PMEPA1: variants seen among roughly 807,000 people sequenced by gnomAD.
The protein encoded by PMEPA1 is prostate transmembrane protein, androgen induced 1, also known as protein TMEPAI.
Under a neutral mutation model 23.0 loss-of-function variants are expected in PMEPA1, and 11 were observed. That is an observed-to-expected ratio of 0.48 (90% CI 0.30 to 0.79). PMEPA1 has a LOEUF of 0.79. Ranked by LOEUF, PMEPA1 falls within the 30% of genes least tolerant of loss-of-function variation. The probability of loss-of-function intolerance (pLI) is 0.06; values close to 1 mark genes in which losing one functional copy is unlikely to be tolerated. For synonymous variants in PMEPA1, 204 were observed against 166.4 expected (o/e 1.23, Z -1.74); for missense variants, 377 against 390.9 (o/e 0.96, Z 0.30).
rs1001494166 is a variant in PMEPA1 at position 57,704,915 on chromosome 20, G to A, written c.109+4559C>T. ...CGCTTCCAGCCTCCACAGACCTCCC[G>A]ACGGCCTCCCTTCTCCTGGGCAGCG... On this transcript the variant is annotated intron_variant, in intron 1 of 3. Transcript: ENST00000341744. This position sits in a 1 kb window ranked among gnomAD's most constrained non-coding sequence, Gnocchi z 4.6. Among the ~76,000 whole-genome samples the A allele has an allele frequency of 2.6e-4, 40 of 152,158 alleles. No individual in the cohort carries two copies. Among genetic ancestry groups the A allele is most frequent in the Admixed American group, 1.2e-3 (19 of 15,276 alleles).
intron 1 of PMEPA1, among the ~76,000 whole-genome samples, chr20:57,677,691 A>G (rs560086693): frequency 3.5e-4 from 54 of 152,346 alleles, no homozygotes; most frequent in African/African-American, 1.2e-3. Context: ...ATCCCAGAGA[A>G]ATGAAGACTT....
chr20:57,657,906 G>A (rs767068210), intron 2 of PMEPA1, among the ~76,000 whole-genome samples: 26 of 152,192 alleles, frequency 1.7e-4, no homozygotes, highest in African/African-American at 4.8e-4. Flanking sequence ...GAGACGTGCC[G>A]CAGCCCCAGG....
upstream of PMEPA1, chr20:57,710,488 C>G: frequency 1.9e-6 from 3 of 1,606,150 alleles, no homozygotes; most frequent in Non-Finnish European, 1.7e-6. Flanking sequence ...GGAGACTGTC[C>G]GCCTTCAGTT....
In PMEPA1 at chr20:57,704,209, G is replaced by T. The variant is rs925702854; in HGVS notation, c.109+5265C>A. ...AAAGATCTGGCCACTCAGGGCCCAT[G>T]TGGCAATGGTGGGCTGAGCAGTGGC... On this transcript the variant is annotated intron_variant, in intron 1 of 3. Coordinates refer to ENST00000341744, the MANE Select transcript of PMEPA1 (RefSeq NM_020182.5). The surrounding 1 kb of genome is among the most constrained non-coding windows in gnomAD (Gnocchi z 4.6). Among the ~76,000 whole-genome samples the T allele has an allele frequency of 1.8e-4, 27 of 152,224 alleles. No homozygotes were observed. Among genetic ancestry groups the T allele is most frequent in the African/African-American group, 6.3e-4 (26 of 41,460 alleles).
intron 1 of PMEPA1, among the ~76,000 whole-genome samples, chr20:57,664,839 G>A (rs1293863865): frequency 1.3e-5 from 2 of 152,364 alleles, no homozygotes; most frequent in Non-Finnish European, 2.9e-5. Flanking sequence ...GGCATCTGCA[G>A]GGCAGGCGGC....
intron 1 of PMEPA1, chr20:57,690,627 G>A (rs2071869097): frequency 8.3e-7 from 1 of 1,199,190 alleles, no homozygotes; most frequent in South Asian, 1.5e-5. Context: ...CTGGAGAGCA[G>A]GCGCGCACCC....
intron 1 of PMEPA1, among the ~76,000 whole-genome samples, chr20:57,705,127 G>A (rs1343280537): frequency 6.6e-6 from 1 of 152,046 alleles, no homozygotes; most frequent in Non-Finnish European, 1.5e-5. Flanking sequence ...GTGTATGACT[G>A]TGTGTGCGCG....
chr20:57,676,004 G>C (rs1409628299), intron 1 of PMEPA1, among the ~76,000 whole-genome samples: 1 of 152,266 alleles, frequency 6.6e-6, no homozygotes, highest in Non-Finnish European at 1.5e-5. Flanking sequence ...TCCAGCCCTT[G>C]CTATCACTTC....
intron 1 of PMEPA1, among the ~76,000 whole-genome samples, chr20:57,674,816 A>G (rs1229867476): frequency 6.6e-6 from 1 of 152,086 alleles, no homozygotes; most frequent in Non-Finnish European, 1.5e-5. Context: ...GATTGAGGCC[A>G]GGCCTCAGGA....
chr20:57,666,609 T>C (rs1047973548), intron 1 of PMEPA1, among the ~76,000 whole-genome samples: 2 of 152,246 alleles, frequency 1.3e-5, no homozygotes, highest in African/African-American at 4.8e-5. Context: ...TTGTGTTGAA[T>C]GTGACTGATC....
At position 57,704,486 on chromosome 20, in the gene PMEPA1, T is replaced by C. The variant is rs1334519551; in HGVS notation, c.109+4988A>G. Among the ~76,000 whole-genome samples the C allele has an allele frequency of 6.6e-6, 1 of 152,154 alleles. No homozygotes were observed. Among genetic ancestry groups the C allele is most frequent in the African/African-American group, 2.4e-5 (1 of 41,428 alleles). Reference sequence around the variant, plus strand: ...AAAAAATGGGCCCTCGGCTTCAATCTCCTTCTCTCAGCATGTGCACCGTAC... The same window carrying C: ...AAAAAATGGGCCCTCGGCTTCAATCCCCTTCTCTCAGCATGTGCACCGTAC... On this transcript the variant is annotated intron_variant, in intron 1 of 3. Coordinates refer to ENST00000341744, the MANE Select transcript of PMEPA1 (RefSeq NM_020182.5). The surrounding 1 kb of genome is among the most constrained non-coding windows in gnomAD (Gnocchi z 4.6).
At chr20:57,668,072 G>A (rs1408906155) in intron 1 of PMEPA1, among the ~76,000 whole-genome samples, 2 of 152,208 alleles carry the variant, frequency 1.3e-5, no homozygotes, top group South Asian at 2.1e-4. Context: ...AAACCAGACT[G>A]TACTGCTTTC....
In PMEPA1 at chr20:57,660,437, A is replaced by G. The variant is rs549426467; in HGVS notation, c.110-740T>C. 2.2e-4 allele frequency among the ~76,000 whole-genome samples: 33 copies of G among 150,780 alleles called. 1 individual carries two copies. The highest frequency in any genetic ancestry group is 4.4e-4 in the Non-Finnish European group (30 of 67,650). ...ACACTCCTACACAAATAACACCCCAACACGTACCCCTAACACTCCTACACA... is the reference window on the plus strand; with the variant it reads ...ACACTCCTACACAAATAACACCCCAGCACGTACCCCTAACACTCCTACACA... On this transcript the variant is annotated intron_variant, in intron 1 of 3. Transcript: ENST00000341744.
chr20:57,708,606 G>A (rs1363248640), intron 1 of PMEPA1, among the ~76,000 whole-genome samples: 1 of 152,196 alleles, frequency 6.6e-6, no homozygotes, highest in Non-Finnish European at 1.5e-5. Context: ...TGACTCCTTT[G>A]TAACCATGGT....
rs1016794555 is a variant in PMEPA1 at position 57,656,400 on chromosome 20, T to C, written c.264+3143A>G. Among the ~76,000 whole-genome samples, 1 of 151,628 alleles carries C rather than the reference T, an allele frequency of 6.6e-6. No homozygotes were observed. Among genetic ancestry groups the C allele is most frequent in the Non-Finnish European group, 1.5e-5 (1 of 67,834 alleles). ...GCAGGAGACCCACACTGAGGACTGA[T>C]TGGGGGATAAAGAGGACAAAGGGTC... On this transcript the variant is annotated intron_variant, in intron 2 of 3. Coordinates refer to ENST00000341744, the MANE Select transcript of PMEPA1 (RefSeq NM_020182.5). The surrounding 1 kb of genome is among the most constrained non-coding windows in gnomAD (Gnocchi z 4.7).
intron 1 of PMEPA1, among the ~76,000 whole-genome samples, chr20:57,703,679 G>A (rs1192952317): frequency 6.6e-6 from 1 of 152,232 alleles, no homozygotes; most frequent in Non-Finnish European, 1.5e-5. Context: ...ATGGGCCCCA[G>A]ATGGGCCTGT....
intron 1 of PMEPA1, among the ~76,000 whole-genome samples, chr20:57,679,167 G>A (rs2071677852): frequency 6.6e-6 from 1 of 152,206 alleles, no homozygotes; most frequent in Admixed American, 6.5e-5. Context: ...TTCGGAGGAG[G>A]TGGCTTTTCA....
At chr20:57,696,803 C>T (rs1041539850) in intron 1 of PMEPA1, among the ~76,000 whole-genome samples, 5 of 152,210 alleles carry the variant, frequency 3.3e-5, no homozygotes, top group Admixed American at 1.3e-4. Flanking sequence ...TGCCGCGAAG[C>T]GCTCAGAGCA....
intron 1 of PMEPA1, among the ~76,000 whole-genome samples, chr20:57,680,483 C>G (rs1451683104): frequency 6.6e-6 from 1 of 152,196 alleles, no homozygotes; most frequent in Non-Finnish European, 1.5e-5. Flanking sequence ...GGGAAGTCCC[C>G]CACAGAAAAG....
Sources: allele counts gnomAD v4.1 joint callset (sites outside exome capture counted in the v4.1 genomes callset), GRCh38; gene constraint gnomAD v4.1.1; non-coding constraint Gnocchi (gnomAD v3.1); transcripts MANE v1.5; gene names NCBI Gene and HGNC (gene_info 2026-07-23, HGNC 2026-07-21).